The following SH3RF1 variants were observed in gnomAD, a reference collection of about 807,000 sequenced individuals.
SH3RF1 encodes SH3 domain containing ring finger 1, also known as E3 ubiquitin-protein ligase SH3RF1.
SH3RF1 carries 32 observed loss-of-function variants against 74.0 expected under a neutral mutation model. The observed-to-expected ratio is 0.43, with a 90% CI of 0.33 to 0.58. SH3RF1 has a LOEUF of 0.58. Among genes scored for constraint, SH3RF1 ranks in the 20% least tolerant of loss-of-function variants. SH3RF1 has a pLI of 0.05. For synonymous variants in SH3RF1, 396 were observed against 439.6 expected (o/e 0.90, Z 1.24); for missense variants, 954 against 1,130.9 (o/e 0.84, Z 2.24).
rs988649948 is a variant in SH3RF1, at chr4:169,123,707, C to T, written c.1180-1441G>A. 1.6e-4 allele frequency among the ~76,000 whole-genome samples: 25 copies of T among 152,160 alleles called. 1 individual carries two copies. In the East Asian group the frequency reaches 4.6e-3, roughly 28 times the overall value. ...GAGATCGAGACCATTTTGGCTAACA[C>T]GGTGAAACCCCATCTCTACTAAAAA... is the stretch of plus-strand genomic sequence containing the variant. On this transcript the variant is annotated intron_variant, in intron 6 of 11. Transcript: ENST00000284637.
intron 2 of SH3RF1, among the ~76,000 whole-genome samples, chr4:169,247,912 A>G (rs1731030660): frequency 6.6e-6 from 1 of 152,224 alleles, no homozygotes; most frequent in African/African-American, 2.4e-5. Flanking sequence ...ACTGATCATT[A>G]GAGAAATGCA....
intron 10 of SH3RF1, among the ~76,000 whole-genome samples, chr4:169,111,183 T>A (rs1579087071): frequency 2.0e-5 from 3 of 150,554 alleles, no homozygotes; most frequent in East Asian, 4.1e-4. Context: ...ATGCCTGTAG[T>A]CCCACTACTT....
intron 4 of SH3RF1, among the ~76,000 whole-genome samples, chr4:169,137,114 A>T (rs1417233527): frequency 6.6e-6 from 1 of 152,224 alleles, no homozygotes; most frequent in Non-Finnish European, 1.5e-5. Flanking sequence ...ATTCAAAATG[A>T]ACTCATGTGC....
chr4:169,232,381 ACT>A (rs1284197203), intron 2 of SH3RF1, among the ~76,000 whole-genome samples: 1 of 152,220 alleles, frequency 6.6e-6, no homozygotes, highest in Admixed American at 6.5e-5. Flanking sequence ...AAATTAGTTC[ACT>A]GTTACCATAA....
intron 2 of SH3RF1, among the ~76,000 whole-genome samples, chr4:169,226,856 C>T (rs1168141414): frequency 6.6e-6 from 1 of 152,116 alleles, no homozygotes; most frequent in Non-Finnish European, 1.5e-5. Flanking sequence ...CTACCTCAGT[C>T]ACCTAACTGC....
At chr4:169,124,655 A>C (rs1291373619) in intron 6 of SH3RF1, among the ~76,000 whole-genome samples, 4 of 152,222 alleles carry the variant, frequency 2.6e-5, no homozygotes. Flanking sequence ...GAAGATCAAG[A>C]AACTCTGATT....
intron 2 of SH3RF1, among the ~76,000 whole-genome samples, chr4:169,215,776 G>T (rs995879403): frequency 8.1e-4 from 118 of 145,340 alleles, no homozygotes; most frequent in Middle Eastern, 3.5e-3. Context: ...TGTATTTTTT[G>T]TTTTTTTTTT....
At chr4:169,215,705 T>C (rs1730451453) in intron 2 of SH3RF1, among the ~76,000 whole-genome samples, 2 of 152,228 alleles carry the variant, frequency 1.3e-5, no homozygotes, top group Admixed American at 6.5e-5. Context: ...AAACATCAAA[T>C]TCACAGATTT....
chr4:169,134,705 T>C (rs1052035630), intron 5 of SH3RF1, among the ~76,000 whole-genome samples: 1 of 152,258 alleles, frequency 6.6e-6, no homozygotes, highest in African/African-American at 2.4e-5. Flanking sequence ...CTATGATCCA[T>C]GTCTTTTTCT....
At chr4:169,121,244 T>A (rs565956070) in intron 7 of SH3RF1, among the ~76,000 whole-genome samples, 21 of 152,330 alleles carry the variant, frequency 1.4e-4, no homozygotes, top group African/African-American at 4.8e-4. Context: ...CACCAAATAG[T>A]ATTTGCATAG....
At chr4:169,140,437 T>A (rs981511482) in intron 4 of SH3RF1, among the ~76,000 whole-genome samples, 1 of 152,160 alleles carries the variant, frequency 6.6e-6, no homozygotes, top group Non-Finnish European at 1.5e-5. Flanking sequence ...TTGATAAGAC[T>A]TAGGTTGGAT....
At chr4:169,161,459 C>G (rs987183015) in intron 2 of SH3RF1, among the ~76,000 whole-genome samples, 6 of 152,230 alleles carry the variant, frequency 3.9e-5, no homozygotes, top group African/African-American at 7.2e-5. Context: ...CATTTCCATA[C>G]CATCAGCGGT....
At chr4:169,146,097 T>C (rs1308666189) in intron 4 of SH3RF1, among the ~76,000 whole-genome samples, 1 of 127,212 alleles carries the variant, frequency 7.9e-6, no homozygotes, top group Non-Finnish European at 1.6e-5. Context: ...ATATATTCTA[T>C]ATAAAATGTT....
chr4:169,180,252 T>C (rs929555466), intron 2 of SH3RF1, among the ~76,000 whole-genome samples: 13 of 115,022 alleles, frequency 1.1e-4, no homozygotes, highest in African/African-American at 1.8e-4. Context: ...TAAAGAGGTA[T>C]AGAAAAGAAA....
At chr4:169,223,749 A>G (rs982375049) in intron 2 of SH3RF1, among the ~76,000 whole-genome samples, 2 of 152,246 alleles carry the variant, frequency 1.3e-5, no homozygotes, top group Non-Finnish European at 2.9e-5. Context: ...GCGCAAATAA[A>G]AATAAACCAG....
At chr4:169,238,619 T>C (rs1263279597) in intron 2 of SH3RF1, among the ~76,000 whole-genome samples, 1 of 152,234 alleles carries the variant, frequency 6.6e-6, no homozygotes, top group African/African-American at 2.4e-5. Flanking sequence ...CTGTGCTGTT[T>C]TGACGGAGTG....
intron 2 of SH3RF1, among the ~76,000 whole-genome samples, chr4:169,172,822 A>C (rs897653100): frequency 1.3e-5 from 2 of 152,172 alleles, no homozygotes; most frequent in Non-Finnish European, 2.9e-5. Flanking sequence ...GTGGGATGTA[A>C]TGGTAACCAG....
chr4:169,245,328 A>G (rs1730977630), intron 2 of SH3RF1, among the ~76,000 whole-genome samples: 1 of 152,224 alleles, frequency 6.6e-6, no homozygotes, highest in Non-Finnish European at 1.5e-5. Context: ...GCCTATATCT[A>G]TGGAGAAAAC....
At chr4:169,252,057 G>A (rs1044382310) in intron 2 of SH3RF1, among the ~76,000 whole-genome samples, 1 of 152,212 alleles carries the variant, frequency 6.6e-6, no homozygotes, top group African/African-American at 2.4e-5. Flanking sequence ...ATGTTCCGCA[G>A]CGACTCAAGA....
Sources: allele counts gnomAD v4.1 joint callset (sites outside exome capture counted in the v4.1 genomes callset), GRCh38; gene constraint gnomAD v4.1.1; transcripts MANE v1.5; gene names NCBI Gene and HGNC (gene_info 2026-07-23, HGNC 2026-07-21).